Variants in CYP26B1 observed in about 807,000 individuals in gnomAD.
CYP26B1 encodes the protein cytochrome P450 26B1.
Under a neutral mutation model 39.1 loss-of-function variants are expected in CYP26B1, and 8 were observed. That is an observed-to-expected ratio of 0.20 (90% CI 0.12 to 0.37). The LOEUF (loss-of-function observed/expected upper bound fraction) is 0.37, where lower values mean the gene tolerates loss of function less well. Among genes scored for constraint, CYP26B1 ranks in the 10% least tolerant of loss-of-function variants. The pLI, the probability that CYP26B1 is intolerant of heterozygous loss-of-function variation, is 1.00. For missense variants in CYP26B1, 615 were observed against 707.0 expected, an observed-to-expected ratio of 0.87 and a Z score of 1.48; for synonymous variants, 321 against 314.3, an observed-to-expected ratio of 1.02 and a Z score of -0.23.
intron 2 of CYP26B1, 39 bp from the exon 3 acceptor site, chr2:72,135,458 C>G: frequency 6.2e-7 from 1 of 1,601,514 alleles, no homozygotes; most frequent in Non-Finnish European, 8.5e-7. Context: ...CCGATTGGCA[C>G]AGCCCACCCC....
intron 4 of CYP26B1, among the ~76,000 whole-genome samples, chr2:72,133,510 T>G (rs1174150735): frequency 1.3e-5 from 2 of 152,214 alleles, no homozygotes; most frequent in Admixed American, 6.5e-5. Flanking sequence ...AGTCCCTAGC[T>G]GGGCAGAAGA....
In CYP26B1 at chr2:72,137,380, A is replaced by G. The variant is rs532812334; in HGVS notation, c.430-1961T>C. ...CTGTAAAACAGTGAGGTGGAACCAG[A>G]TGGCCTCCCTTCAATCCACTGAGCA... is the stretch of plus-strand genomic sequence containing the variant. On this transcript the variant is annotated intron_variant, in intron 2 of 5. Coordinates refer to ENST00000001146, the MANE Select transcript of CYP26B1 (RefSeq NM_019885.4). Among the ~76,000 whole-genome samples, 430 of 152,318 alleles carry G rather than the reference A, an allele frequency of 2.8e-3. 3 individuals carry two copies. Among genetic ancestry groups the G allele is most frequent in the African/African-American group, 0.01 (423 of 41,574 alleles).
In CYP26B1 at chr2:72,134,799, T is replaced by C. The variant is rs746859688; in HGVS notation, c.823A>G (p.Lys275Glu). 2.5e-6 allele frequency: 4 copies of C among 1,614,042 alleles called. No homozygotes were observed. The African/African-American group carries it at 4.0e-5, about 16-fold the overall frequency. The change falls in exon 4 of 6, where the codon AAG becomes GAG. Residue 275 changes from lysine to glutamate, a missense_variant. Transcript: ENST00000001146. The part of the protein sequence containing the change: ...DALDLLIESS[K>E]EHGKEMTMQE... ...ATGGTCATCTCCTTCCCGTGCTCCT[T>C]GCTGCTCTCAATGAGGAGGTCCAGG... is the stretch of plus-strand genomic sequence containing the variant.
chr2:72,145,577 G>C (rs1206941606), intron 1 of CYP26B1, among the ~76,000 whole-genome samples: 1 of 152,180 alleles, frequency 6.6e-6, no homozygotes, highest in African/African-American at 2.4e-5. Flanking sequence ...CCCTCCCTCC[G>C]TCTGCTATAC....
chr2:72,132,057 GAA>G lies in CYP26B1; in HGVS notation c.*168_*169del. 1 of 726,028 alleles carries G rather than the reference GAA, an allele frequency of 1.4e-6. No individual in the cohort carries two copies. The highest frequency in any genetic ancestry group is 2.7e-5 in the East Asian group (1 of 36,726). The allele number at this position is 726,028 out of a possible 1,614,324, so 45.0% of individuals were successfully genotyped here. On this transcript the variant is annotated 3_prime_UTR_variant, in exon 6 of 6. Coordinates refer to ENST00000001146, the MANE Select transcript of CYP26B1 (RefSeq NM_019885.4). ...AGCCAGAAGGGGAGCCCAGCCCTAG[GAA>G]TGGGGCCCACTGGCTTTGGGTAGGG...
At chr2:72,133,462 G>A (rs144477236) in intron 4 of CYP26B1, among the ~76,000 whole-genome samples, 155 bp from the exon 5 acceptor site, 22 of 152,338 alleles carry the variant, frequency 1.4e-4, no homozygotes, top group South Asian at 8.3e-4. Context: ...TCATGTTGCC[G>A]GGGCATTAGT....
intron 5 of CYP26B1, 49 bp from the exon 6 acceptor site, chr2:72,132,668 C>T: frequency 6.4e-7 from 1 of 1,556,478 alleles, no homozygotes. Context: ...CCAGAGGAGC[C>T]CACAGAGGGC....
chr2:72,135,447 G>A (rs1314573235), intron 2 of CYP26B1, 28 bp from the exon 3 acceptor site: 2 of 1,603,526 alleles, frequency 1.2e-6, no homozygotes, highest in Admixed American at 3.3e-5. Flanking sequence ...AAGTGGGTGA[G>A]CCGATTGGCA....
chr2:72,131,627 G>A lies in CYP26B1; in HGVS notation c.*600C>T, dbSNP rs1445815440. The A allele has an allele frequency of 6.5e-6, 1 of 153,298 alleles. No individual in the cohort carries two copies. The highest frequency in any genetic ancestry group is 1.5e-5 in the Non-Finnish European group (1 of 68,600). The allele number at this position is 153,298 out of a possible 1,614,324, so 9.5% of individuals were successfully genotyped here. A position where few individuals can be genotyped will look rare whatever the true frequency, so the allele number is the denominator to read the frequency against. Reference sequence around the variant, plus strand: ...GGGCTCCTTTGCCCCAAGGTCAGAGGACAGAACAAGTAGCAGCAATAGGTA... The same window carrying A: ...GGGCTCCTTTGCCCCAAGGTCAGAGAACAGAACAAGTAGCAGCAATAGGTA... On this transcript the variant is annotated 3_prime_UTR_variant, in exon 6 of 6. Coordinates refer to ENST00000001146, the MANE Select transcript of CYP26B1 (RefSeq NM_019885.4).
chr2:72,134,835 A>G lies in CYP26B1; in HGVS notation c.787T>C (p.Tyr263His), dbSNP rs934693080. The G allele has an allele frequency of 1.3e-5, 21 of 1,614,054 alleles. No individual in the cohort carries two copies. The highest frequency in any genetic ancestry group is 1.5e-5 in the Non-Finnish European group (18 of 1,180,014). ...ATGAGGAGGTCCAGGGCGTCCAAGT[A>G]GTCCTTGCCCTGTGTGCACTGCAGC... is the stretch of plus-strand genomic sequence containing the variant. ...EKLQCTQGKDYLDALDLLIES... is the reference protein window; with the variant it reads ...EKLQCTQGKDHLDALDLLIES... The change falls in exon 4 of 6, where the codon TAC becomes CAC. Residue 263 changes from tyrosine to histidine, a missense_variant. Transcript: ENST00000001146.
chr2:72,144,276 G>A, intron 1 of CYP26B1, 63 bp from the exon 2 acceptor site: 1 of 1,551,926 alleles, frequency 6.4e-7, no homozygotes, highest in Non-Finnish European at 8.7e-7. Context: ...GCGAGGGAGG[G>A]GCGGCGGACC....
chr2:72,142,404 C>T (rs75583811), intron 2 of CYP26B1, among the ~76,000 whole-genome samples: 1 of 152,348 alleles, frequency 6.6e-6, no homozygotes, highest in East Asian at 1.9e-4. Context: ...GACTCTCCTC[C>T]GGGGCCCAGA....
Position 72,134,826 on chromosome 2 carries a change from C to T in CYP26B1, c.796G>A (p.Ala266Thr), listed in dbSNP as rs1448467960. 1.2e-6 allele frequency: 2 copies of T among 1,614,194 alleles called. No homozygotes were observed. The highest frequency in any genetic ancestry group is 1.7e-6 in the Non-Finnish European group (2 of 1,180,016). Residue 266 changes from alanine to threonine, a missense_variant, in exon 4 of 6, where the codon GCC becomes ACC. Ala to Thr is a moderately conservative substitution (Grantham distance 58, BLOSUM62 0). Coordinates refer to ENST00000001146, the MANE Select transcript of CYP26B1 (RefSeq NM_019885.4). ...CTGCTCTCAATGAGGAGGTCCAGGG[C>T]GTCCAAGTAGTCCTTGCCCTGTGTG... ...QCTQGKDYLD[A>T]LDLLIESSKE...
chr2:72,144,655 G>C (rs1677066424), intron 1 of CYP26B1: 1 of 223,646 alleles, frequency 4.5e-6, no homozygotes. Context: ...GCGGTAAGCG[G>C]TCGGTGCCCG....
chr2:72,143,454 G>A (rs1279464110), intron 2 of CYP26B1, among the ~76,000 whole-genome samples: 1 of 74,506 alleles, frequency 1.3e-5, no homozygotes, highest in African/African-American at 5.2e-5. Context: ...GCCCAGACCC[G>A]TGCGCTCCGC....
rs2104022005 is a variant in CYP26B1 at position 72,130,362 on chromosome 2, T to G, written c.*1865A>C. ...AATAATGTCTATTCCACACTGTTTT[T>G]TAGTAGTGGAAAAGTAGGAAATAAA... On this transcript the variant is annotated 3_prime_UTR_variant, in exon 6 of 6. Transcript: ENST00000001146. 1 of 152,258 alleles carries G rather than the reference T, an allele frequency of 6.6e-6. No individual in the cohort carries two copies. Among genetic ancestry groups the G allele is most frequent in the South Asian group, 2.1e-4 (1 of 4,816 alleles). 9.4% of individuals were successfully genotyped at this position (152,258 alleles called of 1,614,324 possible).
intron 2 of CYP26B1, among the ~76,000 whole-genome samples, chr2:72,138,907 G>C (rs1191306004): frequency 1.3e-5 from 2 of 152,198 alleles, no homozygotes; most frequent in Non-Finnish European, 2.9e-5. Context: ...AGGGGCTCGT[G>C]AAGGCTCAGA....
At chr2:72,142,219 G>T (rs3768639) in intron 2 of CYP26B1, among the ~76,000 whole-genome samples, 26,345 of 152,002 alleles carry the variant, frequency 0.17, 4,827 homozygotes, top group African/African-American at 0.47. Flanking sequence ...AGCCAACACC[G>T]GGAGGCCCGA....
chr2:72,135,162 G>A lies in CYP26B1; in HGVS notation c.687C>T (p.Pro229=), dbSNP rs145298160. The A allele has an allele frequency of 3.9e-4, 629 of 1,613,916 alleles. 2 individuals are homozygous for A. The African/African-American group carries it at 4.6e-3, about 12-fold the overall frequency. Residue 229 remains proline (P), a synonymous_variant, in exon 3 of 6, where the codon CCC becomes CCT. Coordinates refer to ENST00000001146, the MANE Select transcript of CYP26B1 (RefSeq NM_019885.4). ...TGCTCACCCGCCGGTAGCCACTGAAGGGCAGGTCGACAGGCAGGGAGAAGA... is the reference window on the plus strand; with the variant it reads ...TGCTCACCCGCCGGTAGCCACTGAAAGGCAGGTCGACAGGCAGGGAGAAGA... ...DNVFSLPVDL[P]FSGYRRGIQA... is the part of the protein sequence containing the mutation.
Sources: gnomAD v4.1 joint callset for allele counts (sites outside exome capture counted in the v4.1 genomes callset) on GRCh38, gnomAD v4.1.1 for gene constraint, MANE v1.5 for transcripts, NCBI Gene and HGNC (gene_info 2026-07-23, HGNC 2026-07-21) for gene names.